PRKAB1: variants seen among roughly 807,000 people sequenced by gnomAD.
PRKAB1 encodes the protein protein kinase AMP-activated non-catalytic subunit beta 1.
A neutral mutation model predicts 32.0 loss-of-function variants in PRKAB1; 18 were observed. The ratio of observed to expected loss-of-function variants is 0.56; its 90% CI spans 0.39 to 0.83. The LOEUF (loss-of-function observed/expected upper bound fraction) is 0.83. Among genes scored for constraint, PRKAB1 ranks in the 40% least tolerant of loss-of-function variants. The pLI is 0.00. For missense variants in PRKAB1, 263 were observed against 352.6 expected (o/e 0.75, Z 2.03); for synonymous variants, 141 against 141.4 (o/e 1.00, Z 0.02).
At chr12:119,672,494 GT>G in intron 2 of PRKAB1, 30 bp downstream of exon 2, 1 of 1,467,786 alleles carries the variant, frequency 6.8e-7, no homozygotes, top group Non-Finnish European at 9.1e-7. Flanking sequence ...TCACATATTT[GT>G]CTTAACATAA....
intron 4 of PRKAB1, among the ~76,000 whole-genome samples, chr12:119,675,425 G>A (rs1164456133): frequency 2.6e-5 from 4 of 152,206 alleles, no homozygotes; most frequent in Non-Finnish European, 5.9e-5. Context: ...TGGGTAATTA[G>A]TCTTTTAGAG....
Position 119,676,556 on chromosome 12 carries a change from A to G in PRKAB1, c.552A>G (p.Pro184=). The change falls in exon 5 of 7, where the codon CCA becomes CCG. Residue 184 remains proline, a synonymous_variant. Transcript: ENST00000229328. The stretch of plus-strand genomic sequence containing the variant: ...CAACAGAGCTGTCCAGTTCTCCCCC[A>G]GGACCCTACCATCAGGAGCCCTACG... ...SDVSELSSSP[P]GPYHQEPYVC... is the part of the protein sequence containing the mutation. 2 of 1,613,442 alleles carry G rather than the reference A, an allele frequency of 1.2e-6. No individual in the cohort carries two copies. Among genetic ancestry groups the G allele is most frequent in the Non-Finnish European group, 1.7e-6 (2 of 1,179,522 alleles).
intron 2 of PRKAB1, among the ~76,000 whole-genome samples, chr12:119,673,102 C>T (rs907446142): frequency 6.6e-6 from 1 of 152,096 alleles, no homozygotes; most frequent in Non-Finnish European, 1.5e-5. Flanking sequence ...TGGTGGTGCA[C>T]ACCTGTATCC....
chr12:119,673,666 C>G (rs1382423320), intron 2 of PRKAB1: 1 of 259,634 alleles, frequency 3.9e-6, no homozygotes, highest in Non-Finnish European at 7.2e-6. Context: ...CATCCAGGAG[C>G]CTTGCGAGCT....
At chr12:119,669,010 G>C (rs1376398568) in intron 1 of PRKAB1, among the ~76,000 whole-genome samples, 2 of 151,558 alleles carry the variant, frequency 1.3e-5, no homozygotes, top group Non-Finnish European at 2.9e-5. Flanking sequence ...CCAGCTACTC[G>C]GGAGGCTGAG....
chr12:119,676,675 G>C lies in PRKAB1; in HGVS notation c.666+5G>C. 1 of 1,613,536 alleles carries C rather than the reference G, an allele frequency of 6.2e-7. No homozygotes were observed. The highest frequency in any genetic ancestry group is 8.5e-7 in the Non-Finnish European group (1 of 1,179,632). ...AACAAGGACACGGGGATTTCCGTAA[G>C]TATGTGGGCATCTGCCCGGACCATC... On this transcript the variant is annotated splice_donor_5th_base_variant and intron_variant, in intron 5 of 6. Transcript: ENST00000229328.
intron 2 of PRKAB1, among the ~76,000 whole-genome samples, chr12:119,672,744 G>C (rs1955397164): frequency 6.6e-6 from 1 of 152,136 alleles, no homozygotes; most frequent in Admixed American, 6.5e-5. Flanking sequence ...ACAAAAATCT[G>C]TCTTAATGCA....
Position 119,679,862 on chromosome 12 carries a change from A to C in PRKAB1, c.667-71A>C. On this transcript the variant is annotated intron_variant, in intron 5 of 6. Transcript: ENST00000229328. This position sits in a 1 kb window ranked among gnomAD's most constrained non-coding sequence, Gnocchi z 4.1. ...TGCCTCCTGTCCTTTGATATCTGGC[A>C]CTGGGAAGTAAAGGGGAGAATCTTG... 6.7e-7 allele frequency: 1 copy of C among 1,496,246 alleles called. No individual in the cohort carries two copies. The highest frequency in any genetic ancestry group is 9.3e-7 in the Non-Finnish European group (1 of 1,072,992). The allele number at this position is 1,496,246 out of a possible 1,614,324, so 92.7% of individuals were successfully genotyped here.
At chr12:119,670,918 A>G (rs939893768) in intron 1 of PRKAB1, among the ~76,000 whole-genome samples, 2 of 152,248 alleles carry the variant, frequency 1.3e-5, no homozygotes, top group African/African-American at 4.8e-5. Context: ...AAGGTGCTAG[A>G]AGCCTGCTTA....
At chr12:119,673,101 A>G (rs556329193) in intron 2 of PRKAB1, among the ~76,000 whole-genome samples, 1 of 152,238 alleles carries the variant, frequency 6.6e-6, no homozygotes, top group South Asian at 2.1e-4. Flanking sequence ...ATGGTGGTGC[A>G]CACCTGTATC....
chr12:119,676,510 T>TA (rs779387276), intron 4 of PRKAB1, 27 bp from the exon 5 acceptor site: 7 of 1,574,302 alleles, frequency 4.4e-6, no homozygotes, highest in Non-Finnish European at 6.1e-6. Context: ...ATTTTCAAAG[T>TA]AAAGTCCTGT....
At position 119,681,208 on chromosome 12, in the gene PRKAB1, A is replaced by T. The variant is rs1053368478; in HGVS notation, c.*883A>T. ...GGCACTCTGCCCTCTTCCCTATAAA[A>T]TCACACAGCGTGATTTTACAAGGTC... is the stretch of plus-strand genomic sequence containing the variant. On this transcript the variant is annotated 3_prime_UTR_variant, in exon 7 of 7. Transcript: ENST00000229328. 1.3e-5 allele frequency: 2 copies of T among 152,176 alleles called. No homozygotes were observed. The highest frequency in any genetic ancestry group is 6.5e-5 in the Admixed American group (1 of 15,278). 9.4% of individuals were successfully genotyped at this position (152,176 alleles called of 1,614,324 possible). A position where few individuals can be genotyped will look rare whatever the true frequency, so the allele number is the denominator to read the frequency against.
At chr12:119,668,911 C>G (rs1270152508) in intron 1 of PRKAB1, among the ~76,000 whole-genome samples, 1 of 152,160 alleles carries the variant, frequency 6.6e-6, no homozygotes, top group East Asian at 1.9e-4. Flanking sequence ...GTGTTTAGTT[C>G]TGCCCAACAC....
In PRKAB1 at chr12:119,679,903, A is replaced by G. The variant is rs375043579; in HGVS notation, c.667-30A>G. ...GAGAATCTTGGTTTCCAAATCCCAAATGCTCACCGCTGCCTTTGTTCCCTC... is the reference window on the plus strand; with the variant it reads ...GAGAATCTTGGTTTCCAAATCCCAAGTGCTCACCGCTGCCTTTGTTCCCTC... On this transcript the variant is annotated intron_variant, in intron 5 of 6. Coordinates refer to ENST00000229328, the MANE Select transcript of PRKAB1 (RefSeq NM_006253.5). This position sits in a 1 kb window ranked among gnomAD's most constrained non-coding sequence, Gnocchi z 4.1. 8 of 1,610,246 alleles carry G rather than the reference A, an allele frequency of 5.0e-6. No individual in the cohort carries two copies. In the African/African-American group the frequency reaches 8.0e-5, roughly 16 times the overall value.
At chr12:119,669,525 T>A (rs1349659011) in intron 1 of PRKAB1, 1 of 151,532 alleles carries the variant, frequency 6.6e-6, no homozygotes, top group African/African-American at 2.4e-5. Flanking sequence ...TGCCTCGGCC[T>A]CCCAAAGTGC....
At chr12:119,671,412 A>G in intron 1 of PRKAB1, 1 of 328,486 alleles carries the variant, frequency 3.0e-6, no homozygotes, top group South Asian at 2.5e-5. Flanking sequence ...TTTATAAAGA[A>G]AAGAGGTTTA....
chr12:119,671,569 C>T, intron 1 of PRKAB1: 1 of 355,926 alleles, frequency 2.8e-6, no homozygotes, highest in Middle Eastern at 4.7e-4. Flanking sequence ...ATGAGACTCA[C>T]TCACTGTCAG....
At chr12:119,676,871 A>G (rs959915011) in intron 5 of PRKAB1, among the ~76,000 whole-genome samples, 1 of 152,230 alleles carries the variant, frequency 6.6e-6, no homozygotes, top group Non-Finnish European at 1.5e-5. Context: ...CGTCTTGCAA[A>G]GCCTTTCTGC....
chr12:119,680,062 A>G (rs1955452716), intron 6 of PRKAB1, 61 bp downstream of exon 6: 2 of 1,563,554 alleles, frequency 1.3e-6, no homozygotes, highest in African/African-American at 2.7e-5. Context: ...GAGGACCCCC[A>G]GCAGTGGAAT....
Sources: gnomAD v4.1 joint callset for allele counts (sites outside exome capture counted in the v4.1 genomes callset) on GRCh38, gnomAD v4.1.1 for gene constraint, Gnocchi (gnomAD v3.1) non-coding constraint, MANE v1.5 for transcripts, NCBI Gene and HGNC (gene_info 2026-07-23, HGNC 2026-07-21) for gene names.